XRCC4: variants seen among roughly 807,000 people sequenced by gnomAD.
The protein encoded by XRCC4 is X-ray repair cross complementing 4, also known as DNA repair protein XRCC4.
In XRCC4, 28 loss-of-function variants were observed where a neutral mutation model predicts 39.1. That is an observed-to-expected ratio of 0.72 (90% confidence interval 0.53 to 0.98). XRCC4 has a LOEUF of 0.98. XRCC4 is among the 50% of genes least tolerant of loss of function. The pLI, the probability that XRCC4 is intolerant of heterozygous loss-of-function variation, is 0.00. For synonymous variants in XRCC4, 123 were observed against 126.4 expected (o/e 0.97, Z 0.18); for missense variants, 350 against 376.4 (o/e 0.93, Z 0.58).
chr5:83,110,373 A>G (rs933707115), intron 2 of XRCC4, among the ~76,000 whole-genome samples: 15 of 152,072 alleles, frequency 9.9e-5, no homozygotes, highest in African/African-American at 3.6e-4. Context: ...TAATATCTAG[A>G]ATTGAAAATA....
intron 7 of XRCC4, among the ~76,000 whole-genome samples, chr5:83,347,464 TG>T (rs1161223368): frequency 1.3e-5 from 2 of 152,108 alleles, no homozygotes; most frequent in Non-Finnish European, 2.9e-5. Context: ...CATCTTCACA[TG>T]ACTGGCAGGA....
At chr5:83,087,078 A>G (rs1200080324) in intron 1 of XRCC4, among the ~76,000 whole-genome samples, 1 of 152,170 alleles carries the variant, frequency 6.6e-6, no homozygotes, top group Non-Finnish European at 1.5e-5. Flanking sequence ...GCACTTTGGG[A>G]GGCCAAAGCA....
At chr5:83,144,511 A>G (rs1033612842) in intron 3 of XRCC4, among the ~76,000 whole-genome samples, 1 of 137,694 alleles carries the variant, frequency 7.3e-6, no homozygotes, top group Non-Finnish European at 1.6e-5. Context: ...ACTTTTAAAA[A>G]TGTTTTCTTT....
chr5:83,348,577 C>G (rs1321574051), intron 7 of XRCC4, among the ~76,000 whole-genome samples: 1 of 152,196 alleles, frequency 6.6e-6, no homozygotes, highest in Non-Finnish European at 1.5e-5. Flanking sequence ...CTTGGGCTGG[C>G]CCACAAAACC....
chr5:83,261,442 CTAAACT>C (rs769916205), intron 7 of XRCC4, among the ~76,000 whole-genome samples: 9 of 151,976 alleles, frequency 5.9e-5, no homozygotes, highest in Non-Finnish European at 1.3e-4. Flanking sequence ...GTCCCTACCT[CTAAACT>C]TAAGTTTCCT....
rs1187037430 is a variant in XRCC4, at chr5:83,344,665, GAC to G, written c.894-8464_894-8463del. Among the ~76,000 whole-genome samples the G allele has an allele frequency of 2.6e-5, 4 of 152,160 alleles. No homozygotes were observed. In the East Asian group the frequency reaches 7.7e-4, roughly 29 times the overall value. ...TAATTCCCCTATTTTCCTTTGGAGAGACATTTGGGTAGTTCTTGCTTTTCACT... is the reference window on the plus strand; with the variant it reads ...TAATTCCCCTATTTTCCTTTGGAGAGATTTGGGTAGTTCTTGCTTTTCACT... On this transcript the variant is annotated intron_variant, in intron 7 of 7. Coordinates refer to ENST00000396027, the MANE Select transcript of XRCC4 (RefSeq NM_003401.5).
intron 6 of XRCC4, among the ~76,000 whole-genome samples, chr5:83,231,167 T>C (rs1341836466): frequency 6.6e-6 from 1 of 152,048 alleles, no homozygotes; most frequent in Non-Finnish European, 1.5e-5. Flanking sequence ...ATGATACTCA[T>C]CTTTTTCCTA....
intron 7 of XRCC4, among the ~76,000 whole-genome samples, chr5:83,298,880 A>T (rs1319884376): frequency 1.3e-5 from 2 of 152,020 alleles, no homozygotes; most frequent in African/African-American, 4.8e-5. Flanking sequence ...TTTAATTCCA[A>T]GTAACCTGCT....
chr5:83,286,337 G>C (rs1332320989), intron 7 of XRCC4, among the ~76,000 whole-genome samples: 1 of 152,048 alleles, frequency 6.6e-6, no homozygotes, highest in African/African-American at 2.4e-5. Flanking sequence ...TTGCTTAGTG[G>C]CTCTCTGATA....
intron 1 of XRCC4, among the ~76,000 whole-genome samples, chr5:83,093,971 T>TCA: frequency 6.6e-6 from 1 of 152,176 alleles, no homozygotes; most frequent in East Asian, 2.0e-4. Context: ...CTAAGAAGTT[T>TCA]ATTGTTATTT....
intron 1 of XRCC4, among the ~76,000 whole-genome samples, chr5:83,103,009 G>GATGTATATATATATATATATATATAT (rs1746012276): frequency 9.4e-6 from 1 of 106,464 alleles, no homozygotes; most frequent in African/African-American, 3.9e-5. Flanking sequence ...AGATAGAGCT[G>GATGTATATATATATATATATATATAT]ATATATATAT....
intron 3 of XRCC4, among the ~76,000 whole-genome samples, chr5:83,134,347 G>T (rs1047990698): frequency 3.3e-5 from 5 of 152,008 alleles, no homozygotes; most frequent in Non-Finnish European, 1.5e-5. Flanking sequence ...TCAGCACTCT[G>T]TGTCTAGCTA....
intron 3 of XRCC4, among the ~76,000 whole-genome samples, chr5:83,177,743 A>G (rs1424076648): frequency 6.6e-6 from 1 of 152,186 alleles, no homozygotes; most frequent in Non-Finnish European, 1.5e-5. Flanking sequence ...TGTTTCAGAA[A>G]AGTGGATCAT....
At chr5:83,275,549 C>A (rs971499539) in intron 7 of XRCC4, among the ~76,000 whole-genome samples, 1 of 152,142 alleles carries the variant, frequency 6.6e-6, no homozygotes, top group African/African-American at 2.4e-5. Flanking sequence ...CCCGCCTCGG[C>A]CTCCCAAAGT....
chr5:83,246,281 C>T (rs1486363413), intron 6 of XRCC4, among the ~76,000 whole-genome samples: 1 of 152,008 alleles, frequency 6.6e-6, no homozygotes, highest in Non-Finnish European at 1.5e-5. Context: ...ATCTGGTAAC[C>T]ATTATTTACA....
chr5:83,207,444 C>G (rs1292715489), intron 6 of XRCC4, among the ~76,000 whole-genome samples: 1 of 152,040 alleles, frequency 6.6e-6, no homozygotes, highest in Non-Finnish European at 1.5e-5. Flanking sequence ...GTTCATTACA[C>G]ATATGATCTA....
At chr5:83,297,048 G>A (rs759846278) in intron 7 of XRCC4, among the ~76,000 whole-genome samples, 4 of 151,796 alleles carry the variant, frequency 2.6e-5, no homozygotes, top group Non-Finnish European at 5.9e-5. Flanking sequence ...AATAAAGGGA[G>A]ATAATATTAT....
chr5:83,132,666 A>C (rs1473047061), intron 3 of XRCC4, among the ~76,000 whole-genome samples: 2 of 151,808 alleles, frequency 1.3e-5, no homozygotes, highest in Non-Finnish European at 2.9e-5. Flanking sequence ...CTTCCACTTG[A>C]TTGAATCGGC....
chr5:83,210,662 C>G (rs1006700301), intron 6 of XRCC4, among the ~76,000 whole-genome samples: 5 of 152,134 alleles, frequency 3.3e-5, no homozygotes, highest in African/African-American at 1.2e-4. Flanking sequence ...AATGGGAACA[C>G]TTTTTTCTCC....
Sources: gnomAD v4.1 joint callset for allele counts (sites outside exome capture counted in the v4.1 genomes callset) on GRCh38, gnomAD v4.1.1 for gene constraint, MANE v1.5 for transcripts, NCBI Gene and HGNC (gene_info 2026-07-23, HGNC 2026-07-21) for gene names.